PGGT1B: variants seen among roughly 807,000 people sequenced by gnomAD.
PGGT1B encodes the protein protein geranylgeranyltransferase type I subunit beta, also known as geranylgeranyl transferase type-1 subunit beta.
In PGGT1B, 30 loss-of-function variants were observed where a neutral mutation model predicts 46.1. The ratio of observed to expected loss-of-function variants is 0.65; its 90% CI spans 0.49 to 0.88. The LOEUF (loss-of-function observed/expected upper bound fraction) is 0.88. PGGT1B is among the 40% of genes least tolerant of loss of function. The probability of loss-of-function intolerance (pLI) is 0.00; values close to 1 mark genes in which losing one functional copy is unlikely to be tolerated. For missense variants in PGGT1B, 376 were observed against 455.9 expected (o/e 0.82, Z 1.60); for synonymous variants, 170 against 160.0 (o/e 1.06, Z -0.47).
chr5:115,213,892 C>CT (rs1756324894), intron 8 of PGGT1B, among the ~76,000 whole-genome samples: 1 of 152,204 alleles, frequency 6.6e-6, no homozygotes, highest in African/African-American at 2.4e-5. Context: ...TGACAAATAG[C>CT]TGTGCTTACT....
intron 6 of PGGT1B, among the ~76,000 whole-genome samples, chr5:115,223,491 T>C (rs533831112): frequency 5.3e-5 from 8 of 152,066 alleles, no homozygotes; most frequent in African/African-American, 1.9e-4. Context: ...TTGTAGCCAA[T>C]GGTAAGGAAT....
At chr5:115,253,405 A>T (rs1748186492) in intron 1 of PGGT1B, 150 bp from the exon 2 acceptor site, 1 of 558,344 alleles carries the variant, frequency 1.8e-6, no homozygotes, top group African/African-American at 2.0e-5. Context: ...ATATATATAC[A>T]TATTCTTGTA....
chr5:115,222,243 A>T (rs1196515534), intron 6 of PGGT1B, among the ~76,000 whole-genome samples: 1 of 152,220 alleles, frequency 6.6e-6, no homozygotes, highest in Non-Finnish European at 1.5e-5. Context: ...TAAGACTTGG[A>T]ACAAGATTAA....
chr5:115,247,740 C>T (rs1319889677), intron 2 of PGGT1B, among the ~76,000 whole-genome samples: 2 of 152,072 alleles, frequency 1.3e-5, no homozygotes, highest in East Asian at 1.9e-4. Flanking sequence ...ATTGGACCTA[C>T]ACCAATTAAA....
intron 1 of PGGT1B, among the ~76,000 whole-genome samples, chr5:115,258,322 T>C (rs1206365994): frequency 6.6e-6 from 1 of 152,220 alleles, no homozygotes; most frequent in Non-Finnish European, 1.5e-5. Flanking sequence ...CCCTCTTTTC[T>C]AGCCCTACTT....
At position 115,236,518 on chromosome 5, in the gene PGGT1B, A is replaced by T; in HGVS notation, c.484T>A (p.Cys162Ser). 6.6e-7 allele frequency: 1 copy of T among 1,526,642 alleles called. No homozygotes were observed. The highest frequency in any genetic ancestry group is 8.7e-7 in the Non-Finnish European group (1 of 1,145,486). The allele number at this position is 1,526,642 out of a possible 1,614,324, so 94.6% of individuals were successfully genotyped here. ...RALQLEDGSF[C>S]AVPEGSENDM... ...TTTTCACTGCCTTCAGGTACTGCACAAAAACTGAAAATAATAACAACAATA... is the reference window on the plus strand; with the variant it reads ...TTTTCACTGCCTTCAGGTACTGCACTAAAACTGAAAATAATAACAACAATA... Residue 162 changes from cysteine to serine, a missense_variant, in exon 5 of 9, where the codon TGT becomes AGT. Coordinates refer to ENST00000419445, the MANE Select transcript of PGGT1B (RefSeq NM_005023.4).
intron 1 of PGGT1B, among the ~76,000 whole-genome samples, chr5:115,253,988 T>C (rs1380140271): frequency 6.6e-6 from 1 of 152,034 alleles, no homozygotes; most frequent in Non-Finnish European, 1.5e-5. Flanking sequence ...CAGTCTCTAG[T>C]ATAGCTTGAT....
At chr5:115,243,897 A>C (rs896146564) in intron 2 of PGGT1B, among the ~76,000 whole-genome samples, 1 of 152,108 alleles carries the variant, frequency 6.6e-6, no homozygotes, top group African/African-American at 2.4e-5. Flanking sequence ...ACGGCACTCA[A>C]ATCTTTTCCA....
In PGGT1B at chr5:115,205,394, C is replaced by T. The variant is rs568484850; in HGVS notation, c.*7008G>A. Reference sequence around the variant, plus strand: ...ATCCCACATACAATTTTAATGGCCACCCTTAATTTAGTTAGAGCCTCAAGA... The same window carrying T: ...ATCCCACATACAATTTTAATGGCCATCCTTAATTTAGTTAGAGCCTCAAGA... On this transcript the variant is annotated 3_prime_UTR_variant, in exon 9 of 9. Transcript: ENST00000419445. 6.6e-5 allele frequency: 10 copies of T among 151,964 alleles called. 1 individual carries two copies. The East Asian group carries it at 1.7e-3, about 26-fold the overall frequency. The allele number at this position is 151,964 out of a possible 1,614,324, so 9.4% of individuals were successfully genotyped here. A position where few individuals can be genotyped will look rare whatever the true frequency, so the allele number is the denominator to read the frequency against.
intron 2 of PGGT1B, among the ~76,000 whole-genome samples, chr5:115,242,663 A>G (rs1757381987): frequency 6.6e-6 from 1 of 152,220 alleles, no homozygotes; most frequent in Non-Finnish European, 1.5e-5. Context: ...CGAAAAATGT[A>G]TTTTAAAAAG....
rs940036121 is a variant in PGGT1B, at chr5:115,204,110, T to C, written c.*8292A>G. 2 of 152,210 alleles carry C rather than the reference T, an allele frequency of 1.3e-5. No homozygotes were observed. The highest frequency in any genetic ancestry group is 4.8e-5 in the African/African-American group (2 of 41,448). 9.4% of individuals were successfully genotyped at this position (152,210 alleles called of 1,614,324 possible). On this transcript the variant is annotated 3_prime_UTR_variant, in exon 9 of 9. Coordinates refer to ENST00000419445, the MANE Select transcript of PGGT1B (RefSeq NM_005023.4). ...GGGGGTAGGAGTAAAGATCACATTG[T>C]TGAATTATAAAGAGCTTACTGTTAA...
At chr5:115,223,260 A>C (rs748217328) in intron 6 of PGGT1B, among the ~76,000 whole-genome samples, 1 of 152,156 alleles carries the variant, frequency 6.6e-6, no homozygotes, top group Non-Finnish European at 1.5e-5. Context: ...TGCCTCCCCA[A>C]TATTTAAGTC....
At chr5:115,225,714 C>T (rs903559360) in intron 6 of PGGT1B, among the ~76,000 whole-genome samples, 2 of 149,382 alleles carry the variant, frequency 1.3e-5, no homozygotes, top group Non-Finnish European at 3.0e-5. Context: ...GGTGTGATCT[C>T]GGCTCACTGC....
At chr5:115,262,444 TAA>T (rs1377461780) in intron 1 of PGGT1B, 1 of 471,756 alleles carries the variant, frequency 2.1e-6, no homozygotes, top group African/African-American at 2.0e-5. Context: ...TGGGAGCGGG[TAA>T]AAAAGCAGCT....
chr5:115,206,295 T>C lies in PGGT1B; in HGVS notation c.*6107A>G, dbSNP rs1457815906. 2 of 152,100 alleles carry C rather than the reference T, an allele frequency of 1.3e-5. No individual in the cohort carries two copies. The highest frequency in any genetic ancestry group is 1.9e-4 in the East Asian group (1 of 5,184). The allele number at this position is 152,100 out of a possible 1,614,324, so 9.4% of individuals were successfully genotyped here. A position where few individuals can be genotyped will look rare whatever the true frequency, so the allele number is the denominator to read the frequency against. On this transcript the variant is annotated 3_prime_UTR_variant, in exon 9 of 9. Transcript: ENST00000419445. ...CTCCAGGAAGTATAGGCTGTGGGTA[T>C]AGTATAGGCTGGGATGGGGAGAGAA...
chr5:115,227,888 T>C (rs1756839607), intron 6 of PGGT1B, among the ~76,000 whole-genome samples: 2 of 152,190 alleles, frequency 1.3e-5, no homozygotes, highest in African/African-American at 4.8e-5. Flanking sequence ...GGTTAATAAA[T>C]ACATTATTTT....
At chr5:115,247,595 T>C (rs1747908538) in intron 2 of PGGT1B, among the ~76,000 whole-genome samples, 1 of 152,108 alleles carries the variant, frequency 6.6e-6, no homozygotes, top group South Asian at 2.1e-4. Context: ...CACAATTTCC[T>C]AGTAAGAAGA....
rs767299766 is a variant in PGGT1B, at chr5:115,237,994, G to C, written c.343C>G (p.His115Asp). 13 of 1,605,706 alleles carry C rather than the reference G, an allele frequency of 8.1e-6. No individual in the cohort carries two copies. Among genetic ancestry groups the C allele is most frequent in the Non-Finnish European group, 9.3e-6 (11 of 1,176,602 alleles). ...FNPSKAPGTA[H>D]PYDSGHIAMT... ...GCAATGTGGCCACTATCATAAGGAT[G>C]AGCTGTTCCAGGAGCCTAAATACAA... is the stretch of plus-strand genomic sequence containing the variant. The change falls in exon 4 of 9, where the codon CAT becomes GAT. Residue 115 changes from histidine to aspartate, a missense_variant. His to Asp is a moderately conservative substitution (Grantham distance 81). Transcript: ENST00000419445.
rs942398594 is a variant in PGGT1B at position 115,208,212 on chromosome 5, C to T, written c.*4190G>A. On this transcript the variant is annotated 3_prime_UTR_variant, in exon 9 of 9. Transcript: ENST00000419445. ...TCAGGTTTTTGAATCAATGCTATTA[C>T]ATTCATTTTATAAAATGAATTCAGG... 1 of 151,870 alleles carries T rather than the reference C, an allele frequency of 6.6e-6. No homozygotes were observed. The highest frequency in any genetic ancestry group is 2.4e-5 in the African/African-American group (1 of 41,394). 9.4% of individuals were successfully genotyped at this position (151,870 alleles called of 1,614,324 possible).
Sources: gnomAD v4.1 joint callset for allele counts (sites outside exome capture counted in the v4.1 genomes callset) on GRCh38, gnomAD v4.1.1 for gene constraint, MANE v1.5 for transcripts, NCBI Gene and HGNC (gene_info 2026-07-23, HGNC 2026-07-21) for gene names.